The following CLSTN2 variants were observed in gnomAD, a reference collection of about 807,000 sequenced individuals.
CLSTN2 encodes calsyntenin-2.
In CLSTN2, 48 loss-of-function variants were observed where a neutral mutation model predicts 101.2. The ratio of observed to expected loss-of-function variants is 0.47; its 90% CI spans 0.38 to 0.60. The LOEUF is 0.60. Among genes scored for constraint, CLSTN2 ranks in the 20% least tolerant of loss-of-function variants. CLSTN2 has a pLI of 0.00. For synonymous variants in CLSTN2, 481 were observed against 463.6 expected (o/e 1.04, Z -0.48); for missense variants, 1,160 against 1,238.2 (o/e 0.94, Z 0.95).
At chr3:140,483,883 TACAGC>T (rs1340757280) in intron 8 of CLSTN2, among the ~76,000 whole-genome samples, 2 of 152,328 alleles carry the variant, frequency 1.3e-5, no homozygotes, top group East Asian at 3.9e-4. Context: ...GTTTCCTGAA[TACAGC>T]ACACTGATGG....
rs1318320499 is a variant in CLSTN2 at position 140,566,275 on chromosome 3, G to A, written c.*22G>A. 6.5e-7 allele frequency: 1 copy of A among 1,549,620 alleles called. No individual in the cohort carries two copies. Among genetic ancestry groups the A allele is most frequent in the Non-Finnish European group, 8.7e-7 (1 of 1,146,190 alleles). ...CTAGTGCCCAGGGGTCTGCTGCCTGGCCCACATGTCCCTTTTGTAAACCCT... is the reference window on the plus strand; with the variant it reads ...CTAGTGCCCAGGGGTCTGCTGCCTGACCCACATGTCCCTTTTGTAAACCCT... On this transcript the variant is annotated 3_prime_UTR_variant, in exon 17 of 17. Transcript: ENST00000458420.
intron 2 of CLSTN2, among the ~76,000 whole-genome samples, chr3:140,282,577 T>C (rs1214241093): frequency 6.6e-6 from 1 of 152,034 alleles, no homozygotes; most frequent in Non-Finnish European, 1.5e-5. Flanking sequence ...TAAAACACTC[T>C]ATAAACCAAA....
chr3:140,060,693 G>T (rs2107772542), intron 1 of CLSTN2, among the ~76,000 whole-genome samples: 1 of 152,334 alleles, frequency 6.6e-6, no homozygotes, highest in South Asian at 2.1e-4. Context: ...CAATAGGGCT[G>T]CCTGATGTGG....
intron 8 of CLSTN2, among the ~76,000 whole-genome samples, chr3:140,517,406 T>C (rs924952505): frequency 4.6e-5 from 7 of 152,198 alleles, no homozygotes; most frequent in African/African-American, 1.7e-4. Flanking sequence ...TTTGTTATGT[T>C]ACCAGAATTG....
intron 2 of CLSTN2, among the ~76,000 whole-genome samples, chr3:140,321,566 C>T (rs2087283243): frequency 6.6e-6 from 1 of 152,148 alleles, no homozygotes; most frequent in Non-Finnish European, 1.5e-5. Flanking sequence ...TGTAACACCC[C>T]TGCAAGCTGA....
intron 1 of CLSTN2, among the ~76,000 whole-genome samples, chr3:139,987,791 G>A (rs1158457586): frequency 1.3e-5 from 2 of 152,170 alleles, no homozygotes; most frequent in Admixed American, 6.5e-5. Flanking sequence ...CACCCAGAGG[G>A]TGATAGATTA....
rs140529155 is a variant in CLSTN2, at chr3:140,187,495, T to C, written c.232+11422T>C. Among the ~76,000 whole-genome samples the C allele has an allele frequency of 2.0e-3, 311 of 152,302 alleles. 5 individuals are homozygous for C. In the East Asian group the frequency reaches 0.047, roughly 23 times the overall value. Reference sequence around the variant, plus strand: ...TCCATCAGAGATGTTGTTTGAACTCTTAGTGATACTGTTCTTTCTATAATC... The same window carrying C: ...TCCATCAGAGATGTTGTTTGAACTCCTAGTGATACTGTTCTTTCTATAATC... On this transcript the variant is annotated intron_variant, in intron 2 of 16. Transcript: ENST00000458420.
chr3:140,101,586 A>T (rs896547455), intron 1 of CLSTN2, among the ~76,000 whole-genome samples: 2 of 152,204 alleles, frequency 1.3e-5, no homozygotes, highest in Non-Finnish European at 2.9e-5. Flanking sequence ...TCTGTATACT[A>T]GTCAGAATAG....
At chr3:140,047,730 G>A (rs1408678210) in intron 1 of CLSTN2, among the ~76,000 whole-genome samples, 6 of 152,248 alleles carry the variant, frequency 3.9e-5, no homozygotes, top group African/African-American at 1.4e-4. Context: ...TGCTAGCTCA[G>A]GTCTCTCTTC....
chr3:140,345,808 G>A (rs1263874950), intron 2 of CLSTN2, among the ~76,000 whole-genome samples: 1 of 152,052 alleles, frequency 6.6e-6, no homozygotes, highest in African/African-American at 2.4e-5. Flanking sequence ...GAATGGAGCT[G>A]GAGATGGGAA....
At chr3:140,494,302 C>T (rs1489464880) in intron 8 of CLSTN2, among the ~76,000 whole-genome samples, 1 of 152,156 alleles carries the variant, frequency 6.6e-6, no homozygotes, top group East Asian at 1.9e-4. Context: ...TGACGTTCTC[C>T]TTCACAATAA....
chr3:140,062,582 G>T, intron 1 of CLSTN2, among the ~76,000 whole-genome samples: 1 of 152,344 alleles, frequency 6.6e-6, no homozygotes, highest in South Asian at 2.1e-4. Flanking sequence ...AGGCAGAGCT[G>T]CAGACTGCAT....
At chr3:140,285,344 T>C (rs557186507) in intron 2 of CLSTN2, among the ~76,000 whole-genome samples, 1 of 152,266 alleles carries the variant, frequency 6.6e-6, no homozygotes, top group African/African-American at 2.4e-5. Context: ...AGTTGGAAGA[T>C]GGTATCAATT....
chr3:140,270,128 T>G (rs1054628001), intron 2 of CLSTN2, among the ~76,000 whole-genome samples: 1 of 152,212 alleles, frequency 6.6e-6, no homozygotes, highest in Non-Finnish European at 1.5e-5. Flanking sequence ...AATTTCCTAG[T>G]GAATGAGGAT....
intron 1 of CLSTN2, among the ~76,000 whole-genome samples, chr3:140,052,461 TTC>T (rs1435940523): frequency 6.6e-6 from 1 of 152,148 alleles, no homozygotes; most frequent in Non-Finnish European, 1.5e-5. Context: ...TGGCCAATAT[TTC>T]TGTTATTAAA....
intron 1 of CLSTN2, among the ~76,000 whole-genome samples, chr3:140,093,154 G>T (rs934145543): frequency 2.0e-5 from 3 of 152,154 alleles, no homozygotes; most frequent in African/African-American, 7.2e-5. Context: ...CTCAACTGCA[G>T]CACGGCCCAG....
At chr3:140,091,545 A>C (rs1481756277) in intron 1 of CLSTN2, among the ~76,000 whole-genome samples, 1 of 152,234 alleles carries the variant, frequency 6.6e-6, no homozygotes, top group African/African-American at 2.4e-5. Flanking sequence ...CAGTTTGAAG[A>C]CATTTAAAAA....
chr3:140,293,873 C>T (rs370139402), intron 2 of CLSTN2, among the ~76,000 whole-genome samples: 98 of 152,288 alleles, frequency 6.4e-4, no homozygotes, highest in African/African-American at 2.2e-3. Context: ...TATATTCTTT[C>T]TATTCCATCC....
chr3:140,121,550 G>T (rs2009341538), intron 1 of CLSTN2, among the ~76,000 whole-genome samples: 1 of 152,196 alleles, frequency 6.6e-6, no homozygotes. Context: ...GAGATGCAGA[G>T]AAAAGGGAAG....
Sources: gnomAD v4.1 joint callset for allele counts (sites outside exome capture counted in the v4.1 genomes callset) on GRCh38, gnomAD v4.1.1 for gene constraint, MANE v1.5 for transcripts, NCBI Gene and HGNC (gene_info 2026-07-23, HGNC 2026-07-21) for gene names.